PREX2: variants seen among roughly 807,000 people sequenced by gnomAD.
PREX2 encodes the protein phosphatidylinositol 3,4,5-trisphosphate-dependent Rac exchanger 2 protein.
In PREX2, 107 loss-of-function variants were observed where a neutral mutation model predicts 203.2. The ratio of observed to expected loss-of-function variants is 0.53; its 90% CI spans 0.45 to 0.62. The LOEUF is 0.62. PREX2 is among the 20% of genes least tolerant of loss of function. PREX2 has a pLI of 0.00. For missense variants in PREX2, 1,777 were observed against 1,955.9 expected, an observed-to-expected ratio of 0.91 and a Z score of 1.72; for synonymous variants, 672 against 663.6, an observed-to-expected ratio of 1.01 and a Z score of -0.19.
chr8:68,157,304 G>T lies in PREX2; in HGVS notation c.4232-18G>T. On this transcript the variant is annotated intron_variant, in intron 34 of 39. Transcript: ENST00000288368. ...AGTTATAAAGTTGCTTGTAAAATATGTTTACTTGTTTACACAGCACTAGAG... is the reference window on the plus strand; with the variant it reads ...AGTTATAAAGTTGCTTGTAAAATATTTTTACTTGTTTACACAGCACTAGAG... 1 of 1,360,852 alleles carries T rather than the reference G, an allele frequency of 7.3e-7. No individual in the cohort carries two copies. Among genetic ancestry groups the T allele is most frequent in the East Asian group, 2.3e-5 (1 of 43,128 alleles). 84.3% of individuals were successfully genotyped at this position (1,360,852 alleles called of 1,614,324 possible). A position where few individuals can be genotyped will look rare whatever the true frequency, so the allele number is the denominator to read the frequency against.
chr8:67,984,301 T>A (rs1806353310), intron 1 of PREX2, among the ~76,000 whole-genome samples: 1 of 152,024 alleles, frequency 6.6e-6, no homozygotes, highest in African/African-American at 2.4e-5. Flanking sequence ...AGAGTATGAT[T>A]TATTCAACAT....
chr8:68,031,966 G>T (rs1807897031), intron 6 of PREX2, among the ~76,000 whole-genome samples: 1 of 152,144 alleles, frequency 6.6e-6, no homozygotes, highest in African/African-American at 2.4e-5. Flanking sequence ...TAGGGAAATG[G>T]AATCTGTCAT....
chr8:67,957,122 C>A (rs760144759), intron 1 of PREX2, among the ~76,000 whole-genome samples: 8 of 152,212 alleles, frequency 5.3e-5, no homozygotes, highest in Non-Finnish European at 8.8e-5. Flanking sequence ...TGCCTATGAT[C>A]ATCATTAGAT....
chr8:68,134,726 A>G (rs910125653), intron 32 of PREX2, among the ~76,000 whole-genome samples: 2 of 152,188 alleles, frequency 1.3e-5, no homozygotes, highest in African/African-American at 4.8e-5. Flanking sequence ...TCTGTTTAAA[A>G]TTTGCATATG....
rs184401211 is a variant in PREX2 at position 68,190,098 on chromosome 8, G to A, written c.4347-1624G>A. 7.9e-4 allele frequency among the ~76,000 whole-genome samples: 120 copies of A among 152,304 alleles called. 2 individuals are homozygous for A. Among genetic ancestry groups the A allele is most frequent in the African/African-American group, 2.8e-3 (115 of 41,580 alleles). ...CAGTGGGACTCAAAAATCCCACACA[G>A]GGTATAGCGTTGTCGCTCACTGATT... On this transcript the variant is annotated intron_variant, in intron 35 of 39. Coordinates refer to ENST00000288368, the MANE Select transcript of PREX2 (RefSeq NM_024870.4).
chr8:67,986,731 C>A (rs1260061460), intron 1 of PREX2, among the ~76,000 whole-genome samples: 1 of 152,146 alleles, frequency 6.6e-6, no homozygotes, highest in Non-Finnish European at 1.5e-5. Context: ...GTGCCAACAA[C>A]CTGGGGCAGA....
In PREX2 at chr8:68,099,816, A is replaced by T. The variant is rs778744186; in HGVS notation, c.2688A>T (p.Leu896=). Reference sequence around the variant, plus strand: ...TTTGCAGTGAAAGAATTGAACACCTATGTCAGAGAATATCCAGTTATAAAA... The same window carrying T: ...TTTGCAGTGAAAGAATTGAACACCTTTGTCAGAGAATATCCAGTTATAAAA... The part of the protein sequence containing the change: ...SALCSERIEH[L]CQRISSYKKF... The change falls in exon 23 of 40, where the codon CTA becomes CTT. Residue 896 remains leucine, a synonymous_variant. Transcript: ENST00000288368. 3 of 1,611,858 alleles carry T rather than the reference A, an allele frequency of 1.9e-6. No individual in the cohort carries two copies. The South Asian group carries it at 3.3e-5, about 18-fold the overall frequency.
intron 1 of PREX2, among the ~76,000 whole-genome samples, chr8:67,976,198 T>C (rs76436259): frequency 0.047 from 7,213 of 152,196 alleles, 357 homozygotes; most frequent in African/African-American, 0.13. Context: ...TTGACCAATG[T>C]CTCCCAAGAC....
intron 35 of PREX2, among the ~76,000 whole-genome samples, chr8:68,190,620 A>T (rs1293016721): frequency 6.6e-6 from 1 of 152,082 alleles, no homozygotes; most frequent in Non-Finnish European, 1.5e-5. Context: ...GAAGGGGATG[A>T]GGGTTGAAAA....
At chr8:68,127,736 A>G (rs1810923415) in intron 31 of PREX2, among the ~76,000 whole-genome samples, 1 of 152,056 alleles carries the variant, frequency 6.6e-6, no homozygotes, top group African/African-American at 2.4e-5. Flanking sequence ...GCTAAAGTTA[A>G]TTGTGTCTAA....
chr8:68,220,411 A>G (rs1812931639), intron 38 of PREX2: 1 of 152,198 alleles, frequency 6.6e-6, no homozygotes, highest in Non-Finnish European at 1.5e-5. Context: ...ATATATTCCT[A>G]GTGTTCTTTG....
intron 37 of PREX2, among the ~76,000 whole-genome samples, chr8:68,197,974 A>G (rs1812431954): frequency 6.6e-6 from 1 of 151,904 alleles, no homozygotes; most frequent in Non-Finnish European, 1.5e-5. Context: ...GCATCTTTCT[A>G]TATGTTACTG....
At chr8:68,155,061 A>G (rs1811513521) in intron 34 of PREX2, among the ~76,000 whole-genome samples, 1 of 152,108 alleles carries the variant, frequency 6.6e-6, no homozygotes, top group African/African-American at 2.4e-5. Context: ...CTTTTCTAGG[A>G]TAGATAATGA....
rs1296162691 is a variant in PREX2, at chr8:68,231,903, A to G, written c.*525A>G. The G allele has an allele frequency of 6.5e-6, 1 of 152,760 alleles. No individual in the cohort carries two copies. Among genetic ancestry groups the G allele is most frequent in the African/African-American group, 2.4e-5 (1 of 41,448 alleles). 9.5% of individuals were successfully genotyped at this position (152,760 alleles called of 1,614,324 possible). ...TTTCAGTCCCCCATTTGCAAGAGAG[A>G]AAGTCATTAATGTGTAAAAGGTGGA... is the stretch of plus-strand genomic sequence containing the variant. On this transcript the variant is annotated 3_prime_UTR_variant, in exon 40 of 40. Coordinates refer to ENST00000288368, the MANE Select transcript of PREX2 (RefSeq NM_024870.4).
chr8:68,019,760 A>G (rs1412065277), intron 3 of PREX2, 89 bp downstream of exon 3: 1 of 1,279,956 alleles, frequency 7.8e-7, no homozygotes, highest in Admixed American at 2.3e-5. Context: ...TGAATTCAGT[A>G]TTAGAAGTAA....
At chr8:68,026,142 T>G (rs1807709751) in intron 4 of PREX2, among the ~76,000 whole-genome samples, 1 of 152,124 alleles carries the variant, frequency 6.6e-6, no homozygotes, top group Non-Finnish European at 1.5e-5. Context: ...GAGCATGCAT[T>G]TGCTGCTATG....
intron 35 of PREX2, among the ~76,000 whole-genome samples, chr8:68,161,204 C>T (rs954427545): frequency 2.6e-5 from 4 of 151,890 alleles, no homozygotes; most frequent in Non-Finnish European, 5.9e-5. Flanking sequence ...AAATGATTCT[C>T]CTGCCTCAGC....
intron 37 of PREX2, among the ~76,000 whole-genome samples, chr8:68,195,955 G>A (rs1224555384): frequency 6.6e-6 from 1 of 152,200 alleles, no homozygotes; most frequent in Admixed American, 6.5e-5. Context: ...ATGTCTAGAT[G>A]TTTTAATGCC....
At chr8:68,043,260 A>G (rs112883887) in intron 7 of PREX2, among the ~76,000 whole-genome samples, 1,693 of 152,192 alleles carry the variant, frequency 0.011, 12 homozygotes, top group Non-Finnish European at 0.016. Flanking sequence ...GGGGAGTGCA[A>G]GGTGATGAAG....
Sources: gnomAD v4.1 joint callset for allele counts (sites outside exome capture counted in the v4.1 genomes callset) on GRCh38, gnomAD v4.1.1 for gene constraint, MANE v1.5 for transcripts, NCBI Gene and HGNC (gene_info 2026-07-23, HGNC 2026-07-21) for gene names.